Variants in EFL1 observed in about 807,000 individuals in gnomAD.
The protein encoded by EFL1 is elongation factor like GTPase 1.
Under a neutral mutation model 126.7 loss-of-function variants are expected in EFL1, and 76 were observed. The ratio of observed to expected loss-of-function variants is 0.60; its 90% CI spans 0.50 to 0.73. The LOEUF is 0.73. Ranked by LOEUF, EFL1 falls within the 30% of genes least tolerant of loss-of-function variation. The probability of loss-of-function intolerance (pLI) is 0.00; values close to 1 mark genes in which losing one functional copy is unlikely to be tolerated. For synonymous variants in EFL1, 410 were observed against 448.4 expected, an observed-to-expected ratio of 0.91 and a Z score of 1.08; for missense variants, 1,128 against 1,343.2, an observed-to-expected ratio of 0.84 and a Z score of 2.50.
chr15:82,151,958 C>A lies in EFL1; in HGVS notation c.2496G>T (p.Gly832=). The A allele has an allele frequency of 1.2e-6, 2 of 1,614,030 alleles. No individual in the cohort carries two copies. The highest frequency in any genetic ancestry group is 1.7e-6 in the Non-Finnish European group (2 of 1,179,998). The part of the protein sequence containing the change: ...QIWSFGPRKC[G]PNILVNKSED... ...CACTTTTATTGACTAGTATGTTGGG[C>A]CCACATTTTCTTGGGCCAAATGACC... Residue 832 remains glycine (G), a synonymous_variant, in exon 18 of 20, where the codon GGG becomes GGT. Transcript: ENST00000268206.
intron 15 of EFL1, among the ~76,000 whole-genome samples, chr15:82,164,450 AC>A (rs1045073672): frequency 6.6e-6 from 1 of 152,068 alleles, no homozygotes; most frequent in Non-Finnish European, 1.5e-5. Context: ...ACCCTAAGCT[AC>A]CCTCCATACT....
intron 15 of EFL1, among the ~76,000 whole-genome samples, chr15:82,206,047 G>A (rs2074521231): frequency 6.6e-6 from 1 of 152,098 alleles, no homozygotes; most frequent in Non-Finnish European, 1.5e-5. Context: ...AGAAATCAGT[G>A]GCTTGTCACA....
chr15:82,166,498 A>T (rs2074080975), intron 15 of EFL1, among the ~76,000 whole-genome samples: 1 of 152,216 alleles, frequency 6.6e-6, no homozygotes, highest in South Asian at 2.1e-4. Flanking sequence ...TTTTAAATAT[A>T]ATTTTAAAAT....
chr15:82,190,959 T>C (rs2074353253), intron 15 of EFL1, among the ~76,000 whole-genome samples: 1 of 152,084 alleles, frequency 6.6e-6, no homozygotes, highest in African/African-American at 2.4e-5. Flanking sequence ...ACTGTGCAGG[T>C]ATTATTTTAT....
At chr15:82,147,834 A>C (rs2073865055) in intron 18 of EFL1, among the ~76,000 whole-genome samples, 1 of 152,114 alleles carries the variant, frequency 6.6e-6, no homozygotes, top group African/African-American at 2.4e-5. Flanking sequence ...CCCTATTTTA[A>C]GAGGACATGC....
chr15:82,193,015 G>A (rs1438789402), intron 15 of EFL1, among the ~76,000 whole-genome samples: 1 of 152,130 alleles, frequency 6.6e-6, no homozygotes, highest in Admixed American at 6.6e-5. Flanking sequence ...CTTCTTTATT[G>A]TCTGGATTTT....
chr15:82,193,207 C>T (rs900891819), intron 15 of EFL1, among the ~76,000 whole-genome samples: 1 of 151,962 alleles, frequency 6.6e-6, no homozygotes, highest in Non-Finnish European at 1.5e-5. Flanking sequence ...ACTACTGGAT[C>T]CTGAAAATGG....
intron 14 of EFL1, 132 bp downstream of exon 14, chr15:82,219,520 A>G (rs1159319362): frequency 2.1e-6 from 2 of 954,562 alleles, no homozygotes; most frequent in Admixed American, 2.9e-5. Context: ...AAAAGGATAC[A>G]CAGTCACTCA....
At chr15:82,242,192 TC>T (rs1378734630) in intron 4 of EFL1, among the ~76,000 whole-genome samples, 1 of 152,118 alleles carries the variant, frequency 6.6e-6, no homozygotes, top group Non-Finnish European at 1.5e-5. Context: ...CTGTACTCAT[TC>T]CCCATTATTG....
chr15:82,175,686 T>A (rs1172121491), intron 15 of EFL1, among the ~76,000 whole-genome samples: 1 of 152,084 alleles, frequency 6.6e-6, no homozygotes, highest in Non-Finnish European at 1.5e-5. Flanking sequence ...AAACCCCGTC[T>A]CTACTAAAAA....
chr15:82,184,071 C>T (rs181048075), intron 15 of EFL1, among the ~76,000 whole-genome samples: 2 of 152,274 alleles, frequency 1.3e-5, no homozygotes, highest in East Asian at 3.9e-4. Flanking sequence ...GAAAAGTGAC[C>T]TAGTCTTACT....
chr15:82,147,561 G>A (rs2073861036), intron 18 of EFL1, among the ~76,000 whole-genome samples: 1 of 145,672 alleles, frequency 6.9e-6, no homozygotes, highest in Non-Finnish European at 1.5e-5. Flanking sequence ...AGAATTGTTT[G>A]AACCTGGGAG....
intron 16 of EFL1, among the ~76,000 whole-genome samples, 160 bp from the exon 17 acceptor site, chr15:82,158,020 T>C (rs1444743479): frequency 6.6e-6 from 1 of 152,196 alleles, no homozygotes; most frequent in Non-Finnish European, 1.5e-5. Flanking sequence ...GAAAACTACC[T>C]TCTAGTAATT....
intron 15 of EFL1, among the ~76,000 whole-genome samples, chr15:82,214,006 C>A (rs1439746759): frequency 1.3e-5 from 2 of 152,212 alleles, no homozygotes; most frequent in East Asian, 1.9e-4. Flanking sequence ...AAAGTTAAAC[C>A]TTTTTCTAAA....
chr15:82,204,463 G>A (rs1242113238), intron 15 of EFL1, among the ~76,000 whole-genome samples: 2 of 151,944 alleles, frequency 1.3e-5, no homozygotes, highest in Non-Finnish European at 2.9e-5. Flanking sequence ...CAATTTATGG[G>A]CGTAAGAGAG....
intron 15 of EFL1, among the ~76,000 whole-genome samples, chr15:82,184,101 G>A (rs2074279205): frequency 6.6e-6 from 1 of 152,076 alleles, no homozygotes; most frequent in Non-Finnish European, 1.5e-5. Flanking sequence ...TATAATCAGT[G>A]GTTAATAATT....
At chr15:82,165,090 G>A (rs893503358) in intron 15 of EFL1, among the ~76,000 whole-genome samples, 2 of 151,990 alleles carry the variant, frequency 1.3e-5, no homozygotes, top group South Asian at 4.1e-4. Context: ...CTGGGTAACA[G>A]AGTGAGACTT....
At chr15:82,231,011 A>T in intron 7 of EFL1, 40 bp from the exon 8 acceptor site, 1 of 1,599,860 alleles carries the variant, frequency 6.3e-7, no homozygotes, top group Non-Finnish European at 8.5e-7. Context: ...AATAACAACG[A>T]TTATTGATTT....
intron 12 of EFL1, among the ~76,000 whole-genome samples, chr15:82,223,587 G>C (rs1290337327): frequency 6.6e-6 from 1 of 152,122 alleles, no homozygotes; most frequent in Admixed American, 6.5e-5. Flanking sequence ...AATTTTAAAT[G>C]CTATAAATAC....
Sources: gnomAD v4.1 joint callset for allele counts (sites outside exome capture counted in the v4.1 genomes callset) on GRCh38, gnomAD v4.1.1 for gene constraint, MANE v1.5 for transcripts, NCBI Gene and HGNC (gene_info 2026-07-23, HGNC 2026-07-21) for gene names.